The following MYBPC1 variants were observed in gnomAD, a reference collection of about 807,000 sequenced individuals.
MYBPC1 encodes myosin-binding protein C, slow-type.
MYBPC1 carries 52 observed loss-of-function variants against 147.1 expected under a neutral mutation model. The observed-to-expected ratio is 0.35, with a 90% CI of 0.28 to 0.45. The LOEUF (loss-of-function observed/expected upper bound fraction) is 0.45, where lower values mean the gene tolerates loss of function less well. Ranked by LOEUF, MYBPC1 falls within the 20% of genes least tolerant of loss-of-function variation. The pLI is 1.00. For missense variants in MYBPC1, 1,228 were observed against 1,440.3 expected (o/e 0.85, Z 2.39); for synonymous variants, 477 against 475.9 (o/e 1.00, Z -0.03).
intron 1 of MYBPC1, among the ~76,000 whole-genome samples, chr12:101,606,020 C>T (rs1409805243): frequency 1.3e-5 from 2 of 151,964 alleles, no homozygotes; most frequent in Non-Finnish European, 2.9e-5. Flanking sequence ...CATGGCGAAA[C>T]TTCGTCTCTA....
chr12:101,693,876 G>C, the MYBPC1 span, among the ~76,000 whole-genome samples: 1 of 152,234 alleles, frequency 6.6e-6, no homozygotes, highest in Non-Finnish European at 1.5e-5. Context: ...AATGGGATGA[G>C]AGCAGAAGTG....
intron 5 of MYBPC1, 35 bp from the exon 6 acceptor site, chr12:101,629,399 C>T (rs1269540841): frequency 1.4e-6 from 2 of 1,440,380 alleles, no homozygotes; most frequent in Non-Finnish European, 2.0e-6. Flanking sequence ...GAGCCTGGCC[C>T]TGAAATAATC....
At chr12:101,634,192 G>C (rs1004440093) in intron 8 of MYBPC1, among the ~76,000 whole-genome samples, 23 of 152,258 alleles carry the variant, frequency 1.5e-4, no homozygotes, top group African/African-American at 5.5e-4. Context: ...GAGCCACCGC[G>C]CCCGGCCCCT....
chr12:101,681,600 T>A (rs1387356942), intron 29 of MYBPC1, among the ~76,000 whole-genome samples: 97 of 65,234 alleles, frequency 1.5e-3, no homozygotes, highest in East Asian at 2.7e-3. Flanking sequence ...ATATTTTTTT[T>A]TTTTTTTTTT....
At position 101,677,288 on chromosome 12, in the gene MYBPC1, A is replaced by G. The variant is rs749608382; in HGVS notation, c.3003A>G (p.Glu1001=). Residue 1001 remains glutamate, a synonymous_variant, in exon 27 of 32, where the codon GAA becomes GAG. Coordinates refer to ENST00000361466, the MANE Select transcript of MYBPC1 (RefSeq NM_002465.4). The part of the protein sequence containing the change: ...HYHRTSATIT[E]LVIGNEYYFR... ...ATCGAACCAGTGCCACCATTACTGA[A>G]TTGGTCATAGGGAATGAATATTACT... The G allele has an allele frequency of 1.9e-6, 3 of 1,613,852 alleles. No homozygotes were observed. The South Asian group carries it at 3.3e-5, about 18-fold the overall frequency.
At chr12:101,656,579 C>G (rs113822285) in intron 18 of MYBPC1, among the ~76,000 whole-genome samples, 3 of 151,934 alleles carry the variant, frequency 2.0e-5, no homozygotes. Flanking sequence ...GACTACAAAG[C>G]GAAGAAATTT....
At chr12:101,605,096 G>A (rs1478371714) in intron 1 of MYBPC1, among the ~76,000 whole-genome samples, 1 of 152,226 alleles carries the variant, frequency 6.6e-6, no homozygotes, top group East Asian at 1.9e-4. Flanking sequence ...GAACGTAGGA[G>A]CTTGAGATAA....
intron 28 of MYBPC1, 123 bp from the exon 29 acceptor site, chr12:101,680,216 GTCTA>G (rs1289637304): frequency 3.6e-5 from 33 of 910,692 alleles, no homozygotes; most frequent in Non-Finnish European, 1.6e-5. Flanking sequence ...TCAAGTAAAA[GTCTA>G]TCCTTCTCAG....
chr12:101,650,747 C>T, intron 15 of MYBPC1: 1 of 198,198 alleles, frequency 5.0e-6, no homozygotes, highest in Non-Finnish European at 1.0e-5. Context: ...CAGTTTTACA[C>T]ATGCTAAATG....
intron 9 of MYBPC1, 56 bp from the exon 10 acceptor site, chr12:101,636,616 T>C: frequency 6.9e-7 from 1 of 1,456,856 alleles, no homozygotes; most frequent in African/African-American, 1.4e-5. Flanking sequence ...TTGGGGGAAA[T>C]TGTTGTGTAT....
chr12:101,603,306 T>C (rs991205979), intron 1 of MYBPC1, among the ~76,000 whole-genome samples: 5 of 151,620 alleles, frequency 3.3e-5, no homozygotes, highest in Admixed American at 6.6e-5. Flanking sequence ...GATCGCGCCA[T>C]TGCACTCCAA....
intron 3 of MYBPC1, among the ~76,000 whole-genome samples, chr12:101,625,411 C>T (rs1245076090): frequency 6.6e-6 from 1 of 152,124 alleles, no homozygotes; most frequent in African/African-American, 2.4e-5. Context: ...GCATTTATAC[C>T]TTGCGTAAGT....
In MYBPC1 at chr12:101,602,675, C is replaced by A. The variant is rs921677180; in HGVS notation, c.25+7580C>A. On this transcript the variant is annotated intron_variant, in intron 1 of 31. Transcript: ENST00000361466. ...CCCTCAACATAAGGGATGTAACAAC[C>A]ACTGCTCACCTCCTCACTAGTGTAA... Among the ~76,000 whole-genome samples, 5 of 152,128 alleles carry A rather than the reference C, an allele frequency of 3.3e-5. No homozygotes were observed. The East Asian group carries it at 9.6e-4, about 29-fold the overall frequency.
Position 101,644,665 on chromosome 12 carries a change from T to C in MYBPC1, c.834T>C (p.Ala278=). Residue 278 remains alanine, a splice_region_variant and synonymous_variant, in exon 12 of 32, where the codon GCT becomes GCC. Transcript: ENST00000361466. ...RMRREEKKSA[A]FAKILDPAYQ... is the part of the protein sequence containing the mutation. Reference sequence around the variant, plus strand: ...CTTTTGCTTCTTCTATTCTATCAGCTTTTGCAAAAATTCTTGATCCTGCAT... The same window carrying C: ...CTTTTGCTTCTTCTATTCTATCAGCCTTTGCAAAAATTCTTGATCCTGCAT... The C allele has an allele frequency of 1.2e-6, 2 of 1,613,368 alleles. No individual in the cohort carries two copies. Among genetic ancestry groups the C allele is most frequent in the South Asian group, 1.1e-5 (1 of 91,064 alleles).
In MYBPC1 at chr12:101,607,116, C is replaced by T. The variant is rs1225438168; in HGVS notation, c.26-7380C>T. 2.6e-5 allele frequency among the ~76,000 whole-genome samples: 4 copies of T among 152,144 alleles called. No individual in the cohort carries two copies. In the East Asian group the frequency reaches 5.8e-4, roughly 22 times the overall value. On this transcript the variant is annotated intron_variant, in intron 1 of 31. Coordinates refer to ENST00000361466, the MANE Select transcript of MYBPC1 (RefSeq NM_002465.4). ...GATCATAGGCGAGAGCCACTGCGCC[C>T]GGCCATGGGGTACACTTATGATTAA...
chr12:101,601,100 T>C (rs943157166), intron 1 of MYBPC1, among the ~76,000 whole-genome samples: 3 of 152,334 alleles, frequency 2.0e-5, no homozygotes, highest in East Asian at 3.9e-4. Flanking sequence ...TGTTTATTCA[T>C]GAGGGGTTTC....
chr12:101,623,410 C>T (rs1363145470), intron 3 of MYBPC1, among the ~76,000 whole-genome samples: 3 of 152,102 alleles, frequency 2.0e-5, no homozygotes, highest in South Asian at 2.1e-4. Context: ...TCACATGTAC[C>T]CCATAAATAT....
rs753121296 is a variant in MYBPC1, at chr12:101,680,503, A to C, written c.3407A>C (p.Glu1136Ala). 9 of 1,614,134 alleles carry C rather than the reference A, an allele frequency of 5.6e-6. No homozygotes were observed. Among genetic ancestry groups the C allele is most frequent in the Non-Finnish European group, 7.6e-6 (9 of 1,179,970 alleles). ...CKAVNDLGTV[E>A]IECKLEVKVI... ...GCAGTCAATGACCTTGGGACAGTGG[A>C]GATTGAATGCAAACTGGAGGTGAAA... Residue 1136 changes from glutamate to alanine, a missense_variant, in exon 29 of 32, where the codon GAG becomes GCG. By Grantham distance (107) the Glu-to-Ala change is moderately radical. Around this residue, in one of 2 missense-constraint regions of MYBPC1, gnomAD observed 1,077 missense variants for 1,314.2 expected, o/e 0.82. Coordinates refer to ENST00000361466, the MANE Select transcript of MYBPC1 (RefSeq NM_002465.4).
rs1894374818 is a variant in MYBPC1, at chr12:101,651,225, C to G, written c.1364-6C>G. On this transcript the variant is annotated splice_region_variant and splice_polypyrimidine_tract_variant and intron_variant, in intron 15 of 31. Transcript: ENST00000361466. Reference sequence around the variant, plus strand: ...TGGCATTTGTGATGGTCTATCATTTCTACAGTGAAACCTCTGAAGATTTTG... The same window carrying G: ...TGGCATTTGTGATGGTCTATCATTTGTACAGTGAAACCTCTGAAGATTTTG... The G allele has an allele frequency of 6.2e-7, 1 of 1,614,040 alleles. No individual in the cohort carries two copies. The highest frequency in any genetic ancestry group is 1.7e-5 in the Admixed American group (1 of 60,010).
Sources: allele counts gnomAD v4.1 joint callset (sites outside exome capture counted in the v4.1 genomes callset), GRCh38; gene constraint gnomAD v4.1.1; regional missense constraint gnomAD v4.1.1; transcripts MANE v1.5; gene names NCBI Gene and HGNC (gene_info 2026-07-23, HGNC 2026-07-21).